The following CLEC3A variants were observed in gnomAD, a reference collection of about 807,000 sequenced individuals.
CLEC3A encodes C-type (calcium dependent, carbohydrate-recognition domain) lectin, superfamily member 1 (cartilage-derived).
Under a neutral mutation model 20.4 loss-of-function variants are expected in CLEC3A, and 28 were observed. That is an observed-to-expected ratio of 1.37 (90% CI 1.02 to 1.88). The LOEUF (loss-of-function observed/expected upper bound fraction) is 1.88, where lower values mean the gene tolerates loss of function less well. Ranked by LOEUF, CLEC3A falls within the 40% of genes most tolerant of loss-of-function variation. CLEC3A has a pLI of 0.00. For synonymous variants in CLEC3A, 110 were observed against 88.1 expected, an observed-to-expected ratio of 1.25 and a Z score of -1.39; for missense variants, 357 against 240.4, an observed-to-expected ratio of 1.48 and a Z score of -3.21.
chr16:78,029,245 A>G (rs544685539), intron 2 of CLEC3A: 1 of 383,934 alleles, frequency 2.6e-6, no homozygotes, highest in East Asian at 8.0e-5. Context: ...CTCCAGTGCT[A>G]CGGCCTAAAA....
chr16:78,024,597 A>G lies in CLEC3A; in HGVS notation c.115+1856A>G, dbSNP rs538590713. On this transcript the variant is annotated intron_variant, in intron 1 of 2. Coordinates refer to ENST00000299642, the MANE Select transcript of CLEC3A (RefSeq NM_005752.6). ...TTGCTACTTTTTGCCATTAGGTCCT[A>G]GAAAGTAGATTCTACAGTAGGTGAA... Among the ~76,000 whole-genome samples, 3 of 152,332 alleles carry G rather than the reference A, an allele frequency of 2.0e-5. No homozygotes were observed. The East Asian group carries it at 5.8e-4, about 29-fold the overall frequency.
rs1020785053 is a variant in CLEC3A at position 78,031,844 on chromosome 16, C to G, written c.*1003C>G. 14 of 152,086 alleles carry G rather than the reference C, an allele frequency of 9.2e-5. No homozygotes were observed. Among genetic ancestry groups the G allele is most frequent in the African/African-American group, 3.4e-4 (14 of 41,412 alleles). The allele number at this position is 152,086 out of a possible 1,614,324, so 9.4% of individuals were successfully genotyped here. A position where few individuals can be genotyped will look rare whatever the true frequency, so the allele number is the denominator to read the frequency against. On this transcript the variant is annotated 3_prime_UTR_variant, in exon 3 of 3. Transcript: ENST00000299642. ...GTGCAATTTTTTATTCTGCCTAGTGCTATTCTGCTTGTTTAACTAGATTGT... is the reference window on the plus strand; with the variant it reads ...GTGCAATTTTTTATTCTGCCTAGTGGTATTCTGCTTGTTTAACTAGATTGT...
In CLEC3A at chr16:78,031,789, G is replaced by T. The variant is rs1022062202; in HGVS notation, c.*948G>T. On this transcript the variant is annotated 3_prime_UTR_variant, in exon 3 of 3. Transcript: ENST00000299642. ...TTGGAAGCTGAAAACTGAATTTAAA[G>T]AATGCTATCTTGGAAAATTGCATAC... 6.6e-6 allele frequency: 1 copy of T among 152,044 alleles called. No homozygotes were observed. Among genetic ancestry groups the T allele is most frequent in the East Asian group, 1.9e-4 (1 of 5,180 alleles). 9.4% of individuals were successfully genotyped at this position (152,044 alleles called of 1,614,324 possible).
At chr16:78,024,063 A>T (rs887220009) in intron 1 of CLEC3A, among the ~76,000 whole-genome samples, 2 of 152,142 alleles carry the variant, frequency 1.3e-5, no homozygotes, top group African/African-American at 4.8e-5. Context: ...GGCTAGTGCA[A>T]GGTTTCTTAA....
chr16:78,026,050 G>T (rs1028072114), intron 1 of CLEC3A, among the ~76,000 whole-genome samples: 1 of 152,172 alleles, frequency 6.6e-6, no homozygotes, highest in African/African-American at 2.4e-5. Context: ...ACCAGCTGAT[G>T]AATTTGCATT....
At chr16:78,024,094 G>A (rs551533437) in intron 1 of CLEC3A, among the ~76,000 whole-genome samples, 1 of 152,250 alleles carries the variant, frequency 6.6e-6, no homozygotes, top group Non-Finnish European at 1.5e-5. Context: ...TTTTCCTTAA[G>A]AAATACTGTA....
chr16:78,023,350 C>T (rs1597150354), intron 1 of CLEC3A, among the ~76,000 whole-genome samples: 1 of 152,188 alleles, frequency 6.6e-6, no homozygotes, highest in African/African-American at 2.4e-5. Context: ...TATGCAAAGT[C>T]ATCTAGTATT....
Position 78,031,579 on chromosome 16 carries a change from C to CAA in CLEC3A, c.*740_*741dup, listed in dbSNP as rs1303657714. 1 of 152,114 alleles carries CAA rather than the reference C, an allele frequency of 6.6e-6. No individual in the cohort carries two copies. Among genetic ancestry groups the CAA allele is most frequent in the Non-Finnish European group, 1.5e-5 (1 of 68,010 alleles). 9.4% of individuals were successfully genotyped at this position (152,114 alleles called of 1,614,324 possible). A position where few individuals can be genotyped will look rare whatever the true frequency, so the allele number is the denominator to read the frequency against. On this transcript the variant is annotated 3_prime_UTR_variant, in exon 3 of 3. Transcript: ENST00000299642. ...TTAAATGGGTAACCCTAAGGCATAT[C>CAA]AAAGAAGCAGATTGCATGATAAACG...
At chr16:78,028,066 T>C (rs1315251514) in intron 1 of CLEC3A, 41 bp from the exon 2 acceptor site, 3 of 1,336,862 alleles carry the variant, frequency 2.2e-6, no homozygotes, top group Non-Finnish European at 3.2e-6. Flanking sequence ...ATCATACGCT[T>C]TTCATCCACC....
chr16:78,031,944 CA>C lies in CLEC3A; in HGVS notation c.*1105del, dbSNP rs1305551496. Reference sequence around the variant, plus strand: ...GGGAAATGGGCTTTTTAGAAGCAAACAATTTTAAATATATTTTGTTCTTCAA... The same window carrying C: ...GGGAAATGGGCTTTTTAGAAGCAAACATTTTAAATATATTTTGTTCTTCAA... On this transcript the variant is annotated 3_prime_UTR_variant, in exon 3 of 3. Coordinates refer to ENST00000299642, the MANE Select transcript of CLEC3A (RefSeq NM_005752.6). The C allele has an allele frequency of 6.6e-6, 1 of 152,502 alleles. No homozygotes were observed. The highest frequency in any genetic ancestry group is 2.4e-5 in the African/African-American group (1 of 41,426). 9.4% of individuals were successfully genotyped at this position (152,502 alleles called of 1,614,324 possible). A position where few individuals can be genotyped will look rare whatever the true frequency, so the allele number is the denominator to read the frequency against.
chr16:78,030,851 C>T lies in CLEC3A; in HGVS notation c.*10C>T. ...CACCATCCCTCAATAGGTCTTTCTCCAATGTGTCCTCCAAGCAAGATTCAT... is the reference window on the plus strand; with the variant it reads ...CACCATCCCTCAATAGGTCTTTCTCTAATGTGTCCTCCAAGCAAGATTCAT... On this transcript the variant is annotated 3_prime_UTR_variant, in exon 3 of 3. Coordinates refer to ENST00000299642, the MANE Select transcript of CLEC3A (RefSeq NM_005752.6). 1.3e-6 allele frequency: 2 copies of T among 1,597,124 alleles called. No individual in the cohort carries two copies. The highest frequency in any genetic ancestry group is 1.7e-6 in the Non-Finnish European group (2 of 1,170,742).
intron 2 of CLEC3A, among the ~76,000 whole-genome samples, 178 bp downstream of exon 2, chr16:78,028,368 C>T (rs560846388): frequency 6.6e-6 from 1 of 152,200 alleles, no homozygotes; most frequent in Non-Finnish European, 1.5e-5. Context: ...CAATCCCATT[C>T]TCCTATATAT....
Position 78,028,203 on chromosome 16 carries a change from C to A in CLEC3A, c.199+13C>A. The A allele has an allele frequency of 1.9e-6, 3 of 1,571,314 alleles. No individual in the cohort carries two copies. Among genetic ancestry groups the A allele is most frequent in the Non-Finnish European group, 1.7e-6 (2 of 1,162,614 alleles). Reference sequence around the variant, plus strand: ...GCCCTGCAGACAGGTAAGGTGCAGACCTTCTCAGTGCCTTGTCCCAAAGGA... The same window carrying A: ...GCCCTGCAGACAGGTAAGGTGCAGAACTTCTCAGTGCCTTGTCCCAAAGGA... On this transcript the variant is annotated intron_variant, in intron 2 of 2. Transcript: ENST00000299642.
chr16:78,023,586 AT>A (rs1198567543), intron 1 of CLEC3A, among the ~76,000 whole-genome samples: 1 of 152,116 alleles, frequency 6.6e-6, no homozygotes, highest in Non-Finnish European at 1.5e-5. Context: ...CTATTTCCTT[AT>A]TTTCACTCCA....
In CLEC3A at chr16:78,028,200, A is replaced by C. The variant is rs544747504; in HGVS notation, c.199+10A>C. 1.3e-6 allele frequency: 2 copies of C among 1,575,050 alleles called. No individual in the cohort carries two copies. Among genetic ancestry groups the C allele is most frequent in the Admixed American group, 4.0e-5 (2 of 49,384 alleles). ...CAAGCCCTGCAGACAGGTAAGGTGC[A>C]GACCTTCTCAGTGCCTTGTCCCAAA... On this transcript the variant is annotated intron_variant, in intron 2 of 2. Coordinates refer to ENST00000299642, the MANE Select transcript of CLEC3A (RefSeq NM_005752.6).
At chr16:78,025,240 G>A (rs1485237389) in intron 1 of CLEC3A, among the ~76,000 whole-genome samples, 1 of 152,196 alleles carries the variant, frequency 6.6e-6, no homozygotes, top group East Asian at 1.9e-4. Context: ...ACCAGTGTAA[G>A]CAATACTTTA....
At chr16:78,025,080 AT>A (rs2018795394) in intron 1 of CLEC3A, among the ~76,000 whole-genome samples, 1 of 152,164 alleles carries the variant, frequency 6.6e-6, no homozygotes, top group East Asian at 1.9e-4. Context: ...AGGTGATGGG[AT>A]TGCAGGCATG....
At chr16:78,027,133 A>C (rs141608457) in intron 1 of CLEC3A, among the ~76,000 whole-genome samples, 13 of 152,356 alleles carry the variant, frequency 8.5e-5, no homozygotes, top group African/African-American at 3.1e-4. Context: ...TGTATTCACT[A>C]GACAATATTA....
intron 2 of CLEC3A, among the ~76,000 whole-genome samples, chr16:78,029,886 G>A (rs1012999627): frequency 6.6e-6 from 1 of 152,054 alleles, no homozygotes; most frequent in Non-Finnish European, 1.5e-5. Flanking sequence ...AGGCGCAGTG[G>A]CTCACGCCTG....
Sources: gnomAD v4.1 joint callset for allele counts (sites outside exome capture counted in the v4.1 genomes callset) on GRCh38, gnomAD v4.1.1 for gene constraint, MANE v1.5 for transcripts, NCBI Gene and HGNC (gene_info 2026-07-23, HGNC 2026-07-21) for gene names.